RTL1: variants seen among roughly 807,000 people sequenced by gnomAD.
The protein encoded by RTL1 is retrotransposon Gag like 1.
For missense variants in RTL1, 1,681 were observed against 1,767.5 expected (o/e 0.95, Z 0.88); for synonymous variants, 727 against 748.4 (o/e 0.97, Z 0.47).
chr14:100,901,383 A>G (rs1395099684), intron 2 of RTL1, among the ~76,000 whole-genome samples: 1 of 152,192 alleles, frequency 6.6e-6, no homozygotes, highest in Admixed American at 6.5e-5. Context: ...TGCAGAACAG[A>G]GCCTTGTCTA....
rs1229781564 is a variant in RTL1 at position 100,883,309 on chromosome 14, T to C, written c.1480A>G (p.Ile494Val). 1.9e-6 allele frequency: 3 copies of C among 1,551,392 alleles called. No homozygotes were observed. The highest frequency in any genetic ancestry group is 2.6e-6 in the Non-Finnish European group (3 of 1,146,838). Reference sequence around the variant, plus strand: ...ACAGAGAAGTTCGGTGAAGGTACGATGTCAAATTCGATGGACTCCTGGTGG... The same window carrying C: ...ACAGAGAAGTTCGGTGAAGGTACGACGTCAAATTCGATGGACTCCTGGTGG... Reference protein sequence around the residue: ...QNHQESIEFDIVPSPNFSVVL... With the variant: ...QNHQESIEFDVVPSPNFSVVL... Residue 494 changes from isoleucine (I) to valine (V), a missense_variant, in exon 4 of 4, where the codon ATC (isoleucine) becomes GTC (valine). Ile to Val is a conservative substitution (Grantham distance 29, BLOSUM62 3). Coordinates refer to ENST00000649591, the MANE Select transcript of RTL1 (RefSeq NM_001134888.3). The surrounding 1 kb of genome is among the most constrained non-coding windows in gnomAD (Gnocchi z 5.9).
At chr14:100,903,472 G>A (rs2038970396) in intron 1 of RTL1, among the ~76,000 whole-genome samples, 86 bp from the exon 2 acceptor site, 1 of 152,160 alleles carries the variant, frequency 6.6e-6, no homozygotes, top group African/African-American at 2.4e-5. Flanking sequence ...ATGGAGCCCC[G>A]TCTTGGAGCC....
chr14:100,902,577 G>C (rs1307511645), intron 2 of RTL1, among the ~76,000 whole-genome samples: 1 of 152,108 alleles, frequency 6.6e-6, no homozygotes, highest in Non-Finnish European at 1.5e-5. Context: ...GGAGCTGCTG[G>C]CCTCCCGGCC....
At chr14:100,894,246 G>T (rs540103028) in intron 2 of RTL1, among the ~76,000 whole-genome samples, 1 of 149,792 alleles carries the variant, frequency 6.7e-6, no homozygotes, top group Non-Finnish European at 1.5e-5. Flanking sequence ...AGAGATGGAG[G>T]CTGCAGTGAG....
At chr14:100,886,290 A>G (rs1353154749) in intron 3 of RTL1, among the ~76,000 whole-genome samples, 1 of 152,128 alleles carries the variant, frequency 6.6e-6, no homozygotes, top group Non-Finnish European at 1.5e-5. Flanking sequence ...AACAGGATAC[A>G]AAATTCAGAT....
Position 100,896,318 on chromosome 14 carries a change from C to T in RTL1, c.-148-2813G>A, listed in dbSNP as rs186623795. The stretch of plus-strand genomic sequence containing the variant: ...AGGGTAAAGAAGTTCTCGAAGGCCT[C>T]TGTCTGCATTAGCTTGGTGAGAGGG... On this transcript the variant is annotated intron_variant, in intron 2 of 3. Transcript: ENST00000649591. Among the ~76,000 whole-genome samples, 19 of 152,246 alleles carry T rather than the reference C, an allele frequency of 1.2e-4. No homozygotes were observed. The East Asian group carries it at 3.7e-3, about 29-fold the overall frequency.
At position 100,882,655 on chromosome 14, in the gene RTL1, G is replaced by T. The variant is rs1323518284; in HGVS notation, c.2134C>A (p.Pro712Thr). ...AGGATGAAGTGAATCACGTTCTGAG[G>T]TATGATAGGGTCTGGGGAGAGCGCA... ...PFALSPDPII[P>T]QNVIHFILKD... The change falls in exon 4 of 4, where the codon CCT becomes ACT. Residue 712 changes from proline (P) to threonine (T), a missense_variant. Coordinates refer to ENST00000649591, the MANE Select transcript of RTL1 (RefSeq NM_001134888.3). The T allele has an allele frequency of 3.9e-6, 6 of 1,551,832 alleles. No individual in the cohort carries two copies. In the Admixed American group the frequency reaches 9.8e-5, roughly 25 times the overall value.
rs2038668550 is a variant in RTL1, at chr14:100,884,461, T to G, written c.328A>C (p.Arg110=). The G allele has an allele frequency of 1.2e-6, 2 of 1,614,072 alleles. No individual in the cohort carries two copies. Among genetic ancestry groups the G allele is most frequent in the African/African-American group, 1.3e-5 (1 of 74,934 alleles). The change falls in exon 4 of 4, where the codon AGG becomes CGG. Residue 110 remains arginine, a synonymous_variant. Coordinates refer to ENST00000649591, the MANE Select transcript of RTL1 (RefSeq NM_001134888.3). ...GATGCTCCACTGAGTGGATCCCCCC[T>G]TGCCTGGTGTGAACCGTTGCATGAC... ...EESCNGSHQA[R]GDPLSGASDR... is the part of the protein sequence containing the mutation.
chr14:100,901,684 A>C (rs2038944072), intron 2 of RTL1, among the ~76,000 whole-genome samples: 1 of 152,190 alleles, frequency 6.6e-6, no homozygotes, highest in Non-Finnish European at 1.5e-5. Context: ...GAGAGGACAC[A>C]GGCCAGCCTC....
chr14:100,881,778 G>C lies in RTL1; in HGVS notation c.3011C>G (p.Ala1004Gly). ...CCTGGCGGCAGTGTTCCTCTGGAAG[G>C]CTCTCCTCCACCGGAGGTTTCTCAC... ...PPVRNLRWRRAFQRNTAARQT... is the reference protein window; with the variant it reads ...PPVRNLRWRRGFQRNTAARQT... Residue 1004 changes from alanine to glycine, a missense_variant, in exon 4 of 4, where the codon GCC becomes GGC. Ala to Gly is a moderately conservative substitution (Grantham distance 60). Coordinates refer to ENST00000649591, the MANE Select transcript of RTL1 (RefSeq NM_001134888.3). This position sits in a 1 kb window ranked among gnomAD's most constrained non-coding sequence, Gnocchi z 6.6. 6.2e-7 allele frequency: 1 copy of C among 1,613,802 alleles called. No homozygotes were observed. Among genetic ancestry groups the C allele is most frequent in the Non-Finnish European group, 8.5e-7 (1 of 1,179,872 alleles).
chr14:100,880,527 A>G lies in RTL1; in HGVS notation c.*185T>C. ...GTCTCTGAGGACTGGGTAGTCCGTT[A>G]GCACAGGTGGCATTGCTGGTTGATG... On this transcript the variant is annotated 3_prime_UTR_variant, in exon 4 of 4. Transcript: ENST00000649591. The G allele has an allele frequency of 8.1e-7, 1 of 1,233,516 alleles. No homozygotes were observed. The highest frequency in any genetic ancestry group is 2.7e-5 in the Admixed American group (1 of 36,396). The allele number at this position is 1,233,516 out of a possible 1,614,324, so 76.4% of individuals were successfully genotyped here. A position where few individuals can be genotyped will look rare whatever the true frequency, so the allele number is the denominator to read the frequency against.
At position 100,879,873 on chromosome 14, in the gene RTL1, C is replaced by T. The variant is rs566843092; in HGVS notation, c.*839G>A. ...GTGTGGCCAGAGCCTCTCTGTGACT[C>T]GGCATGGTCCCCTGGGTGTCTGTGT... On this transcript the variant is annotated 3_prime_UTR_variant, in exon 4 of 4. Coordinates refer to ENST00000649591, the MANE Select transcript of RTL1 (RefSeq NM_001134888.3). Among the ~76,000 whole-genome samples, 67 of 151,976 alleles carry T rather than the reference C, an allele frequency of 4.4e-4. 1 individual carries two copies. The highest frequency in any genetic ancestry group is 4.0e-3 in the Admixed American group (61 of 15,274).
At chr14:100,898,542 C>T (rs890453238) in intron 2 of RTL1, among the ~76,000 whole-genome samples, 15 of 152,222 alleles carry the variant, frequency 9.9e-5, no homozygotes, top group Non-Finnish European at 1.3e-4. Context: ...GCTTCCGGGA[C>T]GGGGTCCAAA....
chr14:100,899,978 C>T (rs2038919923), intron 2 of RTL1, among the ~76,000 whole-genome samples: 1 of 152,216 alleles, frequency 6.6e-6, no homozygotes, highest in Admixed American at 6.5e-5. Context: ...ATGCTCGCCT[C>T]CCTCCCAGAC....
rs2038804720 is a variant in RTL1, at chr14:100,893,108, T to A, written c.-87+336A>T. On this transcript the variant is annotated intron_variant, in intron 3 of 3. Transcript: ENST00000649591. This position sits in a 1 kb window ranked among gnomAD's most constrained non-coding sequence, Gnocchi z 4.2. ...CATGGTGTTGATACTGCCAGCCTCGTGGCCTGAGGGGCATCCAGACCACAA... is the reference window on the plus strand; with the variant it reads ...CATGGTGTTGATACTGCCAGCCTCGAGGCCTGAGGGGCATCCAGACCACAA... 6.6e-6 allele frequency among the ~76,000 whole-genome samples: 1 copy of A among 152,150 alleles called. No homozygotes were observed. Among genetic ancestry groups the A allele is most frequent in the East Asian group, 1.9e-4 (1 of 5,178 alleles).
chr14:100,880,517 G>A lies in RTL1; in HGVS notation c.*195C>T. 2 of 1,140,284 alleles carry A rather than the reference G, an allele frequency of 1.8e-6. No individual in the cohort carries two copies. The highest frequency in any genetic ancestry group is 2.8e-5 in the Admixed American group (1 of 35,414). 70.6% of individuals were successfully genotyped at this position (1,140,284 alleles called of 1,614,324 possible). ...CTGGCGCTGGGTCTCTGAGGACTGG[G>A]TAGTCCGTTAGCACAGGTGGCATTG... On this transcript the variant is annotated 3_prime_UTR_variant, in exon 4 of 4. Transcript: ENST00000649591.
chr14:100,898,465 A>C (rs11621192), intron 2 of RTL1, among the ~76,000 whole-genome samples: 25,486 of 152,234 alleles, frequency 0.17, 2,274 homozygotes, highest in African/African-American at 0.19. Flanking sequence ...TCATTGAGTG[A>C]TCTTTCTAAA....
chr14:100,898,198 A>C (rs1388851752), intron 2 of RTL1: 1 of 171,110 alleles, frequency 5.8e-6, no homozygotes, highest in African/African-American at 2.4e-5. Context: ...TATTTTTTAA[A>C]AAAGAATACA....
chr14:100,883,342 G>A lies in RTL1; in HGVS notation c.1447C>T (p.His483Tyr), dbSNP rs2038647070. ...TCGATGGACTCCTGGTGGTTCTGGT[G>A]GATACACACCAGGGGCTCCGTGTAG... ...WLYTEPLVCIHQNHQESIEFD... is the reference protein window; with the variant it reads ...WLYTEPLVCIYQNHQESIEFD... The change falls in exon 4 of 4, where the codon CAC (histidine) becomes TAC (tyrosine). Residue 483 changes from histidine to tyrosine, a missense_variant. Coordinates refer to ENST00000649591, the MANE Select transcript of RTL1 (RefSeq NM_001134888.3). This position sits in a 1 kb window ranked among gnomAD's most constrained non-coding sequence, Gnocchi z 5.9. 4 of 1,551,430 alleles carry A rather than the reference G, an allele frequency of 2.6e-6. No individual in the cohort carries two copies. In the South Asian group the frequency reaches 4.8e-5, roughly 18 times the overall value.
Sources: gnomAD v4.1 joint callset for allele counts (sites outside exome capture counted in the v4.1 genomes callset) on GRCh38, gnomAD v4.1.1 for gene constraint, Gnocchi (gnomAD v3.1) non-coding constraint, MANE v1.5 for transcripts, NCBI Gene and HGNC (gene_info 2026-07-23, HGNC 2026-07-21) for gene names.